PYROXD2: variants seen among roughly 807,000 people sequenced by gnomAD.
PYROXD2 encodes the protein pyridine nucleotide-disulphide oxidoreductase domain 2.
A neutral mutation model predicts 71.1 loss-of-function variants in PYROXD2; 69 were observed. The ratio of observed to expected loss-of-function variants is 0.97; its 90% CI spans 0.80 to 1.19. The LOEUF (loss-of-function observed/expected upper bound fraction) is 1.19. Ranked by LOEUF, PYROXD2 falls within the 50% of genes most tolerant of loss-of-function variation. The probability of loss-of-function intolerance (pLI) is 0.00; values close to 1 mark genes in which losing one functional copy is unlikely to be tolerated. For missense variants in PYROXD2, 745 were observed against 748.9 expected (o/e 0.99, Z 0.06); for synonymous variants, 287 against 302.7 (o/e 0.95, Z 0.54).
At chr10:98,386,211 G>A (rs529944649) in intron 14 of PYROXD2, among the ~76,000 whole-genome samples, 1 of 151,692 alleles carries the variant, frequency 6.6e-6, no homozygotes, top group South Asian at 2.1e-4. Context: ...AGCCCCAGAG[G>A]TCGAGGCTGC....
chr10:98,393,059 CA>C lies in PYROXD2; in HGVS notation c.809del (p.Met270ArgfsTer47). On this transcript the variant is annotated frameshift_variant, in exon 9 of 16. Transcript: ENST00000370575. LOFTEE classifies it high-confidence loss of function. ...GSGYVLLHHV[M>X]GGLEGMQGAW... ...CCCCCTGCATTCCCTCCAGGCCCCC[CA>C]TCACATGGTGCAGCAGCACATACCT... The C allele has an allele frequency of 6.3e-7, 1 of 1,591,148 alleles. No homozygotes were observed. Among genetic ancestry groups the C allele is most frequent in the Non-Finnish European group, 8.5e-7 (1 of 1,172,858 alleles).
chr10:98,387,012 C>T (rs1249981945), intron 14 of PYROXD2, among the ~76,000 whole-genome samples, 189 bp downstream of exon 14: 2 of 152,192 alleles, frequency 1.3e-5, no homozygotes, highest in East Asian at 3.8e-4. Flanking sequence ...TCTGAGCCCC[C>T]ACTAGGGATC....
chr10:98,413,052 G>C (rs2136045445), intron 1 of PYROXD2, among the ~76,000 whole-genome samples: 1 of 152,318 alleles, frequency 6.6e-6, no homozygotes, highest in South Asian at 2.1e-4. Context: ...CCTCCTATTT[G>C]TTTTACTACA....
At chr10:98,403,202 GA>G (rs2136002948) in intron 4 of PYROXD2, among the ~76,000 whole-genome samples, 1 of 152,318 alleles carries the variant, frequency 6.6e-6, no homozygotes, top group Non-Finnish European at 1.5e-5. Flanking sequence ...CTAAGCTAGA[GA>G]AACTTCCAGC....
At chr10:98,399,539 C>T (rs563140035) in intron 5 of PYROXD2, among the ~76,000 whole-genome samples, 6 of 151,992 alleles carry the variant, frequency 3.9e-5, no homozygotes, top group East Asian at 1.9e-4. Context: ...ATTCTCCATC[C>T]GACATGTGTT....
At chr10:98,406,987 C>T (rs12247819) in intron 4 of PYROXD2, among the ~76,000 whole-genome samples, 1,703 of 145,212 alleles carry the variant, frequency 0.012, 35 homozygotes, top group African/African-American at 0.041. Context: ...GACAGTGGCA[C>T]TAAGCAGGTA....
In PYROXD2 at chr10:98,392,438, C is replaced by A; in HGVS notation, c.1056G>T (p.Thr352=). 1.2e-6 allele frequency: 2 copies of A among 1,613,418 alleles called. No homozygotes were observed. Among genetic ancestry groups the A allele is most frequent in the South Asian group, 2.2e-5 (2 of 91,052 alleles). Reference sequence around the variant, plus strand: ...CTCCTGCCCACAGCCTCACCTGTGGCGTCAGCTTCAGGAAGGTGATCTGCG... The same window carrying A: ...CTCCTGCCCACAGCCTCACCTGTGGAGTCAGCTTCAGGAAGGTGATCTGCG... ...TSPQITFLKL[T]PQEWLPEEFL... is the part of the protein sequence containing the mutation. The change falls in exon 10 of 16, where the codon ACG becomes ACT. Residue 352 remains threonine (T), a synonymous_variant. Transcript: ENST00000370575.
intron 2 of PYROXD2, among the ~76,000 whole-genome samples, chr10:98,409,634 C>T (rs1451722378): frequency 6.6e-6 from 1 of 152,184 alleles, no homozygotes; most frequent in African/African-American, 2.4e-5. Context: ...GCTGCATGTG[C>T]CAGGTCCTAG....
At chr10:98,397,257 G>C (rs1358340073) in intron 6 of PYROXD2, 88 bp downstream of exon 6, 7 of 1,462,366 alleles carry the variant, frequency 4.8e-6, no homozygotes, top group African/African-American at 1.4e-5. Context: ...CTGCCATGGA[G>C]GTTCAGGCTT....
At chr10:98,399,888 C>T (rs976127775) in intron 5 of PYROXD2, among the ~76,000 whole-genome samples, 4 of 152,200 alleles carry the variant, frequency 2.6e-5, no homozygotes, top group African/African-American at 7.2e-5. Context: ...GTGAGCAGGC[C>T]TCCCAGTCCA....
At chr10:98,408,244 G>A (rs942809) in intron 2 of PYROXD2, among the ~76,000 whole-genome samples, 56,387 of 151,992 alleles carry the variant, frequency 0.37, 11,811 homozygotes, top group African/African-American at 0.56. Context: ...CCACTTCCCA[G>A]CTGAAAGTGG....
At chr10:98,392,691 A>C in intron 9 of PYROXD2, 125 bp from the exon 10 acceptor site, 1 of 1,464,088 alleles carries the variant, frequency 6.8e-7, no homozygotes, top group Non-Finnish European at 9.1e-7. Flanking sequence ...AACCCATCCC[A>C]CCAAGTTCTG....
At chr10:98,410,241 T>A (rs1034379643) in intron 2 of PYROXD2, among the ~76,000 whole-genome samples, 2 of 152,204 alleles carry the variant, frequency 1.3e-5, no homozygotes, top group Non-Finnish European at 2.9e-5. Flanking sequence ...CCCCCTATAT[T>A]GATGTTCTAG....
At chr10:98,410,013 G>A (rs992247403) in intron 2 of PYROXD2, among the ~76,000 whole-genome samples, 6 of 152,066 alleles carry the variant, frequency 3.9e-5, no homozygotes, top group East Asian at 1.9e-4. Flanking sequence ...GGGAAGTAGA[G>A]GTTGCAGCGA....
At chr10:98,385,136 T>C in intron 14 of PYROXD2, 69 bp from the exon 15 acceptor site, 1 of 1,576,162 alleles carries the variant, frequency 6.3e-7, no homozygotes, top group Non-Finnish European at 8.6e-7. Flanking sequence ...CTGGGTTTCT[T>C]CCCCTCCCCT....
At chr10:98,406,993 A>T (rs1359015033) in intron 4 of PYROXD2, among the ~76,000 whole-genome samples, 9 of 147,724 alleles carry the variant, frequency 6.1e-5, no homozygotes, top group Admixed American at 6.1e-4. Context: ...GGCACTAAGC[A>T]GGTAGAAGCC....
intron 13 of PYROXD2, 134 bp downstream of exon 13, chr10:98,388,220 T>TC: frequency 1.2e-6 from 1 of 848,032 alleles, no homozygotes; most frequent in Non-Finnish European, 1.9e-6. Flanking sequence ...GACTTGAGGT[T>TC]CCCTTGACTA....
At chr10:98,405,722 C>G (rs186965884) in intron 4 of PYROXD2, among the ~76,000 whole-genome samples, 1 of 152,194 alleles carries the variant, frequency 6.6e-6, no homozygotes, top group African/African-American at 2.4e-5. Context: ...TCTATCACCA[C>G]GTTCACCGCA....
At chr10:98,414,524 T>C (rs1452286478) in intron 1 of PYROXD2, among the ~76,000 whole-genome samples, 2 of 152,142 alleles carry the variant, frequency 1.3e-5, no homozygotes, top group African/African-American at 2.4e-5. Context: ...TAACTGGCCT[T>C]TATGAAATGA....
Sources: allele counts gnomAD v4.1 joint callset (sites outside exome capture counted in the v4.1 genomes callset), GRCh38; gene constraint gnomAD v4.1.1; transcripts MANE v1.5; gene names NCBI Gene and HGNC (gene_info 2026-07-23, HGNC 2026-07-21).